TLE6: variants seen among roughly 807,000 people sequenced by gnomAD.
TLE6 encodes the protein transducin-like enhancer protein 6.
In TLE6, 72 loss-of-function variants were observed where a neutral mutation model predicts 77.1. That is an observed-to-expected ratio of 0.93 (90% CI 0.77 to 1.14). The LOEUF (loss-of-function observed/expected upper bound fraction) is 1.14. Among genes scored for constraint, TLE6 ranks in the 50% most tolerant of loss-of-function variants. The pLI is 0.00. For missense variants in TLE6, 843 were observed against 747.6 expected (o/e 1.13, Z -1.49); for synonymous variants, 366 against 287.3 (o/e 1.27, Z -2.77).
intron 2 of TLE6, 86 bp from the exon 3 acceptor site, chr19:2,980,014 T>A: frequency 1.0e-6 from 1 of 970,878 alleles, no homozygotes; most frequent in Non-Finnish European, 1.6e-6. Context: ...ACCAACCTAA[T>A]GCCTATGCCA....
chr19:2,995,055 TTCC>T lies in TLE6; in HGVS notation c.*52_*54del, dbSNP rs1407224765. On this transcript the variant is annotated 3_prime_UTR_variant, in exon 17 of 17. Coordinates refer to ENST00000246112, the MANE Select transcript of TLE6 (RefSeq NM_001143986.2). ...CCGGCTCCTCTTTTCATCCCCCCCC[TTCC>T]CCCCCCCCAACAAGGGGGACATGGT... 1.1e-6 allele frequency: 1 copy of T among 937,044 alleles called. No individual in the cohort carries two copies. Among genetic ancestry groups the T allele is most frequent in the Non-Finnish European group, 1.5e-6 (1 of 652,082 alleles). The allele number at this position is 937,044 out of a possible 1,614,324, so 58.0% of individuals were successfully genotyped here. A position where few individuals can be genotyped will look rare whatever the true frequency, so the allele number is the denominator to read the frequency against.
At chr19:2,986,530 A>G (rs2145039161) in intron 5 of TLE6, among the ~76,000 whole-genome samples, 1 of 152,144 alleles carries the variant, frequency 6.6e-6, no homozygotes, top group East Asian at 1.9e-4. Flanking sequence ...CCTGGCCAAC[A>G]TGGTGAAACC....
At chr19:2,982,599 A>T (rs1196653195) in intron 5 of TLE6, among the ~76,000 whole-genome samples, 1 of 150,700 alleles carries the variant, frequency 6.6e-6, no homozygotes, top group Non-Finnish European at 1.5e-5. Context: ...GGGGTAGGTC[A>T]TGCTGAGCCT....
At chr19:2,982,024 C>A (rs1439985359) in intron 4 of TLE6, 124 bp from the exon 5 acceptor site, 3 of 940,726 alleles carry the variant, frequency 3.2e-6, no homozygotes, top group Non-Finnish European at 4.9e-6. Flanking sequence ...AAAGAGAAAA[C>A]AAGGTGAAAA....
chr19:2,980,281 C>G, intron 3 of TLE6, 99 bp downstream of exon 3: 1 of 946,456 alleles, frequency 1.1e-6, no homozygotes, highest in Non-Finnish European at 1.6e-6. Flanking sequence ...GGCTGCTGGC[C>G]CAAGAGCCAG....
chr19:2,991,767 T>TG, intron 13 of TLE6, 76 bp from the exon 14 acceptor site: 1 of 1,465,380 alleles, frequency 6.8e-7, no homozygotes, highest in Non-Finnish European at 9.5e-7. Context: ...CATGCCCAAA[T>TG]GTAGTGACTG....
At chr19:2,993,019 T>C (rs1599173041) in intron 14 of TLE6, among the ~76,000 whole-genome samples, 1 of 104,896 alleles carries the variant, frequency 9.5e-6, no homozygotes, top group Non-Finnish European at 1.8e-5. Context: ...TGAAACCCCG[T>C]CTCTACTAAA....
chr19:2,991,425 C>CACACACACACACAT (rs1300185737), intron 13 of TLE6, among the ~76,000 whole-genome samples: 16 of 135,550 alleles, frequency 1.2e-4, no homozygotes, highest in Non-Finnish European at 1.1e-4. Flanking sequence ...CACACACACA[C>CACACACACACACAT]ATATATATAA....
At chr19:2,980,245 C>T in intron 3 of TLE6, 63 bp downstream of exon 3, 2 of 1,412,074 alleles carry the variant, frequency 1.4e-6, no homozygotes, top group Non-Finnish European at 1.9e-6. Flanking sequence ...GGCCTCTCTC[C>T]CGGGGGTCCT....
chr19:2,993,039 A>AAC (rs2089117216), intron 14 of TLE6, among the ~76,000 whole-genome samples: 1 of 148,266 alleles, frequency 6.7e-6, no homozygotes, highest in Admixed American at 6.7e-5. Context: ...AAAAAAAAAA[A>AAC]AAAAAAAAAA....
At chr19:2,982,966 C>T (rs1220147140) in intron 5 of TLE6, among the ~76,000 whole-genome samples, 1 of 152,038 alleles carries the variant, frequency 6.6e-6, no homozygotes, top group Admixed American at 6.6e-5. Flanking sequence ...GGAGGGGGCG[C>T]CCGGGCTCCC....
rs1484534063 is a variant in TLE6 at position 2,995,112 on chromosome 19, C to T, written c.*108C>T. ...GGGAAGCGGGAAGGCTCTTCTGTGG[C>T]ATCGCACGATCTAGTCTGTGGTGTA... On this transcript the variant is annotated 3_prime_UTR_variant, in exon 17 of 17. Coordinates refer to ENST00000246112, the MANE Select transcript of TLE6 (RefSeq NM_001143986.2). 1.0e-5 allele frequency: 7 copies of T among 700,830 alleles called. No individual in the cohort carries two copies. Among genetic ancestry groups the T allele is most frequent in the Admixed American group, 2.3e-5 (1 of 43,264 alleles). 43.4% of individuals were successfully genotyped at this position (700,830 alleles called of 1,614,324 possible).
intron 13 of TLE6, 66 bp downstream of exon 13, chr19:2,989,851 T>C: frequency 6.3e-7 from 1 of 1,585,074 alleles, no homozygotes; most frequent in Non-Finnish European, 8.6e-7. Flanking sequence ...TCTGCCCACC[T>C]TACTGCTACC....
chr19:2,980,282 C>A, intron 3 of TLE6, 100 bp downstream of exon 3: 1 of 933,636 alleles, frequency 1.1e-6, no homozygotes, highest in Non-Finnish European at 1.6e-6. Flanking sequence ...GCTGCTGGCC[C>A]AAGAGCCAGG....
rs2088954670 is a variant in TLE6 at position 2,987,972 on chromosome 19, C to T, written c.700C>T (p.Gln234Ter). The T allele has an allele frequency of 1.2e-6, 2 of 1,609,900 alleles. No homozygotes were observed. Among genetic ancestry groups the T allele is most frequent in the South Asian group, 1.1e-5 (1 of 90,422 alleles). ...QDRNTSWGVV[Q>*]EPPGRASRFL... ...CAGGAACACAAGTTGGGGTGTGGTC[C>T]AGGTGAGACCCAGGCCCGAGCTGGT... Residue 234 changes from glutamine to a stop codon, truncating the protein, a stop_gained and splice_region_variant, in exon 10 of 17, where the codon CAG becomes TAG. Coordinates refer to ENST00000246112, the MANE Select transcript of TLE6 (RefSeq NM_001143986.2). LOFTEE classifies it high-confidence loss of function.
chr19:2,987,660 A>G, intron 8 of TLE6, 64 bp from the exon 9 acceptor site: 1 of 1,581,448 alleles, frequency 6.3e-7, no homozygotes, highest in Non-Finnish European at 8.7e-7. Flanking sequence ...CTGCCCAGGA[A>G]TCCGAGGTCT....
Position 2,989,222 on chromosome 19 carries a change from T to A in TLE6, c.902T>A (p.Val301Glu). 3 of 1,614,088 alleles carry A rather than the reference T, an allele frequency of 1.9e-6. No homozygotes were observed. Among genetic ancestry groups the A allele is most frequent in the Non-Finnish European group, 2.5e-6 (3 of 1,180,042 alleles). ...GCCATCAGCAGCTTCACGCGGCACG[T>A]GTTCACCTGTGGCAGAAGAGGCATC... ...ATAISSFTRH[V>E]FTCGRRGIKV... The change falls in exon 12 of 17, where the codon GTG becomes GAG. Residue 301 changes from valine to glutamate, a missense_variant. Coordinates refer to ENST00000246112, the MANE Select transcript of TLE6 (RefSeq NM_001143986.2).
intron 14 of TLE6, among the ~76,000 whole-genome samples, chr19:2,993,030 A>T (rs1288020467): frequency 7.9e-6 from 1 of 126,912 alleles, no homozygotes; most frequent in African/African-American, 4.4e-5. Flanking sequence ...CTCTACTAAA[A>T]AAAAAAAAAA....
Position 2,983,522 on chromosome 19 carries a change from G to A in TLE6, c.222+1333G>A, listed in dbSNP as rs555061275. Among the ~76,000 whole-genome samples, 3 of 151,992 alleles carry A rather than the reference G, an allele frequency of 2.0e-5. No individual in the cohort carries two copies. The South Asian group carries it at 6.2e-4, about 31-fold the overall frequency. ...GGATGGGAGGGATATTTCAGGCAGAGGGCACAGCCTGTGTGAAGGCCCTGA... is the reference window on the plus strand; with the variant it reads ...GGATGGGAGGGATATTTCAGGCAGAAGGCACAGCCTGTGTGAAGGCCCTGA... On this transcript the variant is annotated intron_variant, in intron 5 of 16. Coordinates refer to ENST00000246112, the MANE Select transcript of TLE6 (RefSeq NM_001143986.2).
Sources: gnomAD v4.1 joint callset for allele counts (sites outside exome capture counted in the v4.1 genomes callset) on GRCh38, gnomAD v4.1.1 for gene constraint, MANE v1.5 for transcripts, NCBI Gene and HGNC (gene_info 2026-07-23, HGNC 2026-07-21) for gene names.